Variants in MTSS1 observed in about 807,000 individuals in gnomAD.
The protein encoded by MTSS1 is MTSS I-BAR domain containing 1, also known as protein MTSS 1.
Under a neutral mutation model 79.0 loss-of-function variants are expected in MTSS1, and 18 were observed. The observed-to-expected ratio is 0.23, with a 90% CI of 0.16 to 0.34. The LOEUF (loss-of-function observed/expected upper bound fraction) is 0.34, where lower values mean the gene tolerates loss of function less well. Among genes scored for constraint, MTSS1 ranks in the 10% least tolerant of loss-of-function variants. The probability of loss-of-function intolerance (pLI) is 1.00; values close to 1 mark genes in which losing one functional copy is unlikely to be tolerated. For missense variants in MTSS1, 815 were observed against 986.2 expected, an observed-to-expected ratio of 0.83 and a Z score of 2.33; for synonymous variants, 341 against 368.6, an observed-to-expected ratio of 0.93 and a Z score of 0.86.
In MTSS1 at chr8:124,582,408, C is replaced by T. The variant is rs1830196410; in HGVS notation, c.460+2679G>A. Among the ~76,000 whole-genome samples, 1 of 152,118 alleles carries T rather than the reference C, an allele frequency of 6.6e-6. No individual in the cohort carries two copies. Among genetic ancestry groups the T allele is most frequent in the Non-Finnish European group, 1.5e-5 (1 of 68,016 alleles). On this transcript the variant is annotated intron_variant, in intron 6 of 13. Transcript: ENST00000518547. This position sits in a 1 kb window ranked among gnomAD's most constrained non-coding sequence, Gnocchi z 4.8. The stretch of plus-strand genomic sequence containing the variant: ...AGTGAGCCGCTCACAAAAATCACAT[C>T]CGTGTGTGTCTGCCCACGTCAAGGA...
At chr8:124,614,948 T>C (rs1163817785) in intron 3 of MTSS1, among the ~76,000 whole-genome samples, 1 of 152,144 alleles carries the variant, frequency 6.6e-6, no homozygotes, top group Non-Finnish European at 1.5e-5. Flanking sequence ...CAGTACTGGA[T>C]GACACAATGT....
At chr8:124,629,257 G>C (rs574538237) in intron 3 of MTSS1, among the ~76,000 whole-genome samples, 59 of 152,212 alleles carry the variant, frequency 3.9e-4, no homozygotes, top group African/African-American at 1.4e-3. Context: ...GCTCACACCT[G>C]TAATCCCAGC....
chr8:124,674,469 C>T (rs75601314), intron 3 of MTSS1, among the ~76,000 whole-genome samples: 9,317 of 152,202 alleles, frequency 0.061, 298 homozygotes, highest in African/African-American at 0.073. Flanking sequence ...TCTCAGCCTC[C>T]CAAGTACCTG....
At chr8:124,685,899 C>T (rs1011402030) in intron 3 of MTSS1, among the ~76,000 whole-genome samples, 1 of 152,114 alleles carries the variant, frequency 6.6e-6, no homozygotes, top group African/African-American at 2.4e-5. Context: ...ACAGGCCACG[C>T]GGGGTGAAGG....
At position 124,553,014 on chromosome 8, in the gene MTSS1, C is replaced by T; in HGVS notation, c.2246G>A (p.Arg749His). 2 of 1,613,400 alleles carry T rather than the reference C, an allele frequency of 1.2e-6. No homozygotes were observed. Among genetic ancestry groups the T allele is most frequent in the Non-Finnish European group, 1.7e-6 (2 of 1,179,408 alleles). Residue 749 changes from arginine to histidine, a missense_variant, in exon 14 of 14, where the codon CGC becomes CAC. Around this residue, in one of 2 missense-constraint regions of MTSS1, gnomAD observed 590 missense variants for 620.8 expected, o/e 0.95. Transcript: ENST00000518547. The surrounding 1 kb of genome is among the most constrained non-coding windows in gnomAD (Gnocchi z 6.0). Reference protein sequence around the residue: ...VKLKKTTTNDRSAPRFS With the variant: ...VKLKKTTTNDHSAPRFS ...AACCTAAGAAAAGCGAGGGGCTGAG[C>T]GATCGTTTGTCGTGGTCTTCTTCAG...
At chr8:124,557,896 G>T (rs374839512) in intron 10 of MTSS1, 21 bp from the exon 11 acceptor site, 26 of 1,529,710 alleles carry the variant, frequency 1.7e-5, no homozygotes, top group Middle Eastern at 1.8e-4. Flanking sequence ...ACAAAAAAAG[G>T]GGGGGGGAAG....
At chr8:124,708,906 G>C (rs1321212592) in intron 1 of MTSS1, among the ~76,000 whole-genome samples, 2 of 145,780 alleles carry the variant, frequency 1.4e-5, no homozygotes, top group African/African-American at 5.1e-5. Flanking sequence ...TCTAAGAACA[G>C]AAGACAAAAA....
chr8:124,574,059 C>T (rs1450984627), intron 6 of MTSS1, among the ~76,000 whole-genome samples: 1 of 152,144 alleles, frequency 6.6e-6, no homozygotes, highest in Non-Finnish European at 1.5e-5. Flanking sequence ...GCGGCACAAT[C>T]TCAGCTCACT....
At chr8:124,591,424 G>A (rs954195164) in intron 3 of MTSS1, among the ~76,000 whole-genome samples, 189 bp from the exon 4 acceptor site, 1 of 152,242 alleles carries the variant, frequency 6.6e-6, no homozygotes, top group African/African-American at 2.4e-5. Flanking sequence ...TACGTATGGT[G>A]ACAGATTTCT....
chr8:124,563,552 T>C (rs1260387638), intron 9 of MTSS1: 1 of 161,558 alleles, frequency 6.2e-6, no homozygotes, highest in Non-Finnish European at 1.4e-5. Flanking sequence ...TCAAGCCCGC[T>C]GTCAAGAACA....
intron 3 of MTSS1, among the ~76,000 whole-genome samples, chr8:124,636,606 C>T (rs6996851): frequency 0.021 from 3,000 of 145,362 alleles, 104 homozygotes; most frequent in African/African-American, 0.074. Flanking sequence ...TGCCTGACTG[C>T]CTCTGTGTCC....
rs111592996 is a variant in MTSS1 at position 124,559,303 on chromosome 8, G to T, written c.1036-1428C>A. Among the ~76,000 whole-genome samples, 272 of 152,284 alleles carry T rather than the reference G, an allele frequency of 1.8e-3. 1 individual carries two copies. The highest frequency in any genetic ancestry group is 5.2e-3 in the African/African-American group (216 of 41,548). On this transcript the variant is annotated intron_variant, in intron 10 of 13. Coordinates refer to ENST00000518547, the MANE Select transcript of MTSS1 (RefSeq NM_014751.6). The stretch of plus-strand genomic sequence containing the variant: ...ATTGCATGAGGGCGGACCCCAGCTC[G>T]GGCTTTTGCTACATGTCTGCCTGGA...
intron 7 of MTSS1, among the ~76,000 whole-genome samples, chr8:124,567,435 G>A (rs1012506762): frequency 2.6e-5 from 4 of 152,242 alleles, no homozygotes; most frequent in Admixed American, 6.5e-5. Context: ...CCCTCCCAGG[G>A]CCTGGGGGAC....
intron 3 of MTSS1, among the ~76,000 whole-genome samples, chr8:124,668,450 C>T (rs1262358697): frequency 6.6e-6 from 1 of 152,144 alleles, no homozygotes; most frequent in Non-Finnish European, 1.5e-5. Context: ...TGAAAACCCG[C>T]CTTTCTCGTT....
intron 3 of MTSS1, among the ~76,000 whole-genome samples, chr8:124,651,644 G>A (rs557565081): frequency 2.6e-5 from 4 of 152,206 alleles, no homozygotes; most frequent in African/African-American, 4.8e-5. Context: ...CAGTTATTTC[G>A]GTTTTCCTGG....
chr8:124,603,999 G>C (rs1332454955), intron 3 of MTSS1, among the ~76,000 whole-genome samples: 1 of 152,134 alleles, frequency 6.6e-6, no homozygotes. Context: ...CTCACCTAAG[G>C]TTGAGAGTTC....
chr8:124,605,642 C>G (rs1770555602), intron 3 of MTSS1, among the ~76,000 whole-genome samples: 1 of 131,828 alleles, frequency 7.6e-6, no homozygotes, highest in South Asian at 2.6e-4. Context: ...TCGCGCTGGG[C>G]TCCCGTTGGA....
intron 1 of MTSS1, among the ~76,000 whole-genome samples, chr8:124,725,117 T>C (rs1222106367): frequency 6.6e-6 from 1 of 152,166 alleles, no homozygotes; most frequent in Admixed American, 6.5e-5. Flanking sequence ...GGAATCGATA[T>C]GTTGTTTACT....
intron 3 of MTSS1, among the ~76,000 whole-genome samples, chr8:124,617,905 C>T (rs1202739007): frequency 6.6e-6 from 1 of 152,180 alleles, no homozygotes; most frequent in Non-Finnish European, 1.5e-5. Context: ...GACACAAAGG[C>T]TATAGCACTT....
Sources: gnomAD v4.1 joint callset for allele counts (sites outside exome capture counted in the v4.1 genomes callset) on GRCh38, gnomAD v4.1.1 for gene constraint, gnomAD v4.1.1 regional missense constraint, Gnocchi (gnomAD v3.1) non-coding constraint, MANE v1.5 for transcripts, NCBI Gene and HGNC (gene_info 2026-07-23, HGNC 2026-07-21) for gene names.